NPSR1: variants seen among roughly 807,000 people sequenced by gnomAD.
NPSR1 encodes the protein neuropeptide S receptor.
Under a neutral mutation model 46.9 loss-of-function variants are expected in NPSR1, and 48 were observed. The ratio of observed to expected loss-of-function variants is 1.02; its 90% CI spans 0.81 to 1.30. The LOEUF (loss-of-function observed/expected upper bound fraction) is 1.30. NPSR1 is among the 50% of genes most tolerant of loss of function. The pLI, the probability that NPSR1 is intolerant of heterozygous loss-of-function variation, is 0.00. For synonymous variants in NPSR1, 176 were observed against 168.1 expected (o/e 1.05, Z -0.36); for missense variants, 450 against 449.5 (o/e 1.00, Z -0.01).
rs560545023 is a variant in NPSR1 at position 34,827,643 on chromosome 7, C to A, written c.680+41C>A. Reference sequence around the variant, plus strand: ...GACAGGACCACACGGGGGGGTGGGGCGGGGGGGGCTTTCCTGTTTCTCCAG... The same window carrying A: ...GACAGGACCACACGGGGGGGTGGGGAGGGGGGGGCTTTCCTGTTTCTCCAG... On this transcript the variant is annotated intron_variant, in intron 5 of 8. Coordinates refer to ENST00000360581, the MANE Select transcript of NPSR1 (RefSeq NM_207172.2). 3.9e-4 allele frequency: 158 copies of A among 405,620 alleles called. 2 individuals are homozygous for A. Among genetic ancestry groups the A allele is most frequent in the South Asian group, 5.9e-4 (30 of 50,552 alleles). The allele number at this position is 405,620 out of a possible 1,614,324, so 25.1% of individuals were successfully genotyped here. A position where few individuals can be genotyped will look rare whatever the true frequency, so the allele number is the denominator to read the frequency against.
chr7:34,821,245 G>C (rs1426222908), intron 4 of NPSR1, among the ~76,000 whole-genome samples: 2 of 144,576 alleles, frequency 1.4e-5, no homozygotes, highest in Non-Finnish European at 3.0e-5. Flanking sequence ...AGTGATTCTT[G>C]TGCCTCAGCC....
intron 3 of NPSR1, among the ~76,000 whole-genome samples, chr7:34,802,767 G>A: frequency 6.6e-6 from 1 of 150,412 alleles, no homozygotes; most frequent in East Asian, 1.9e-4. Context: ...ACTACCATCA[G>A]AGTGAACAGG....
chr7:34,701,132 C>A (rs2128695836), intron 2 of NPSR1, among the ~76,000 whole-genome samples: 1 of 152,286 alleles, frequency 6.6e-6, no homozygotes, highest in African/African-American at 2.4e-5. Flanking sequence ...TAAAGGAGTT[C>A]AGGACATGCC....
chr7:34,860,941 C>T (rs1156460104), intron 8 of NPSR1, among the ~76,000 whole-genome samples: 1 of 151,866 alleles, frequency 6.6e-6, no homozygotes, highest in Non-Finnish European at 1.5e-5. Flanking sequence ...TGCCAATAGA[C>T]AGCCGTTGCT....
chr7:34,669,676 A>C (rs1168341927), intron 1 of NPSR1, among the ~76,000 whole-genome samples: 1 of 152,214 alleles, frequency 6.6e-6, no homozygotes, highest in Non-Finnish European at 1.5e-5. Context: ...AATAATGACC[A>C]CTGGCACACA....
In NPSR1 at chr7:34,834,799, AAGG is replaced by A. The variant is rs144213976; in HGVS notation, c.757+344_757+346del. ...ACAGATAAGAAAAGACAGACTGTCC[AAGG>A]AGGACATCACACCTTCAGCAAAGAT... On this transcript the variant is annotated intron_variant, in intron 6 of 8. Transcript: ENST00000360581. 2.8e-3 allele frequency among the ~76,000 whole-genome samples: 427 copies of A among 152,380 alleles called. 2 individuals are homozygous for A. The highest frequency in any genetic ancestry group is 9.9e-3 in the African/African-American group (412 of 41,598).
At chr7:34,690,625 G>A (rs986691678) in intron 2 of NPSR1, among the ~76,000 whole-genome samples, 1 of 152,144 alleles carries the variant, frequency 6.6e-6, no homozygotes, top group Non-Finnish European at 1.5e-5. Context: ...CCAAGTGGAA[G>A]AAAGACTTTC....
rs537080871 is a variant in NPSR1, at chr7:34,745,050, T to C, written c.281-33412T>C. Among the ~76,000 whole-genome samples the C allele has an allele frequency of 8.5e-4, 130 of 152,328 alleles. 1 individual carries two copies. Among genetic ancestry groups the C allele is most frequent in the African/African-American group, 3.0e-3 (126 of 41,580 alleles). ...AATATATGCAAACACAGCATCATTTTATTTCAGGGATTTTGGTATCCATGG... is the reference window on the plus strand; with the variant it reads ...AATATATGCAAACACAGCATCATTTCATTTCAGGGATTTTGGTATCCATGG... On this transcript the variant is annotated intron_variant, in intron 2 of 8. Transcript: ENST00000360581.
intron 2 of NPSR1, chr7:34,750,540 T>A: frequency 1.9e-5 from 13 of 698,232 alleles, no homozygotes; most frequent in South Asian, 1.8e-4. Context: ...CCTGCTTGGT[T>A]AATCTCAAGC....
At chr7:34,717,235 C>A (rs1330971056) in intron 2 of NPSR1, among the ~76,000 whole-genome samples, 1 of 152,146 alleles carries the variant, frequency 6.6e-6, no homozygotes, top group Non-Finnish European at 1.5e-5. Context: ...CGGGTTCAAG[C>A]GATTCTCCTG....
intron 3 of NPSR1, among the ~76,000 whole-genome samples, chr7:34,788,238 A>G (rs1249404820): frequency 6.6e-6 from 1 of 152,034 alleles, no homozygotes; most frequent in African/African-American, 2.4e-5. Context: ...GTCTCAAGGT[A>G]ACCACAAAGC....
At chr7:34,754,096 C>G (rs749650265) in intron 2 of NPSR1, among the ~76,000 whole-genome samples, 4 of 152,084 alleles carry the variant, frequency 2.6e-5, no homozygotes, top group Non-Finnish European at 4.4e-5. Context: ...CCAAGAAGGT[C>G]ACCTAGGATC....
intron 1 of NPSR1, among the ~76,000 whole-genome samples, chr7:34,661,860 C>T (rs758216582): frequency 3.3e-5 from 5 of 152,150 alleles, no homozygotes; most frequent in East Asian, 1.9e-4. Flanking sequence ...GAATTATATG[C>T]GTTTCAAGAA....
intron 1 of NPSR1, among the ~76,000 whole-genome samples, 181 bp from the exon 2 acceptor site, chr7:34,684,371 C>T (rs996807296): frequency 6.6e-6 from 1 of 152,142 alleles, no homozygotes; most frequent in Admixed American, 6.5e-5. Flanking sequence ...TTAAAAGGTG[C>T]ATTAATTTAC....
chr7:34,681,357 C>T (rs1320113498), intron 1 of NPSR1, among the ~76,000 whole-genome samples: 3 of 152,142 alleles, frequency 2.0e-5, no homozygotes, highest in Non-Finnish European at 4.4e-5. Context: ...GAACTTTGCC[C>T]CTTTGACAGT....
At chr7:34,663,535 C>T (rs1367886918) in intron 1 of NPSR1, among the ~76,000 whole-genome samples, 2 of 152,146 alleles carry the variant, frequency 1.3e-5, no homozygotes, top group Admixed American at 1.3e-4. Flanking sequence ...GACCTCAGCG[C>T]CCTTCCAATC....
intron 3 of NPSR1, among the ~76,000 whole-genome samples, chr7:34,811,371 C>T (rs950887403): frequency 4.6e-5 from 7 of 151,966 alleles, no homozygotes; most frequent in Admixed American, 3.9e-4. Context: ...TGTTCAGACC[C>T]TCCTTCTCTT....
chr7:34,708,316 A>T lies in NPSR1; in HGVS notation c.280+23632A>T, dbSNP rs1313658973. ...ACAAGCCTGTGCATGTGCCTCACTG[A>T]CATAACTAAGTTATAGGGTCATATT... On this transcript the variant is annotated intron_variant, in intron 2 of 8. Coordinates refer to ENST00000360581, the MANE Select transcript of NPSR1 (RefSeq NM_207172.2). 2.6e-5 allele frequency among the ~76,000 whole-genome samples: 4 copies of T among 152,204 alleles called. No individual in the cohort carries two copies. The East Asian group carries it at 7.7e-4, about 29-fold the overall frequency.
intron 6 of NPSR1, among the ~76,000 whole-genome samples, chr7:34,843,440 C>T (rs1367844134): frequency 6.6e-6 from 1 of 152,164 alleles, no homozygotes; most frequent in Non-Finnish European, 1.5e-5. Context: ...GCCCTGGTGG[C>T]CTAATCACCT....
Sources: gnomAD v4.1 joint callset for allele counts (sites outside exome capture counted in the v4.1 genomes callset) on GRCh38, gnomAD v4.1.1 for gene constraint, MANE v1.5 for transcripts, NCBI Gene and HGNC (gene_info 2026-07-23, HGNC 2026-07-21) for gene names.